The following GRHL3 variants were observed in gnomAD, a reference collection of about 807,000 sequenced individuals.
GRHL3 encodes grainyhead like transcription factor 3, also known as grainyhead-like protein 3 homolog.
GRHL3 carries 20 observed loss-of-function variants against 70.3 expected under a neutral mutation model. The observed-to-expected ratio is 0.28, with a 90% CI of 0.20 to 0.41. The LOEUF (loss-of-function observed/expected upper bound fraction) is 0.41, where lower values mean the gene tolerates loss of function less well. Ranked by LOEUF, GRHL3 falls within the 10% of genes least tolerant of loss-of-function variation. The probability of loss-of-function intolerance (pLI) is 1.00; values close to 1 mark genes in which losing one functional copy is unlikely to be tolerated. For missense variants in GRHL3, 637 were observed against 762.3 expected, an observed-to-expected ratio of 0.84 and a Z score of 1.94; for synonymous variants, 299 against 299.9, an observed-to-expected ratio of 1.00 and a Z score of 0.03.
intron 11 of GRHL3, among the ~76,000 whole-genome samples, chr1:24,343,450 T>A (rs1177337204): frequency 6.6e-6 from 1 of 152,032 alleles, no homozygotes; most frequent in Admixed American, 6.5e-5. Flanking sequence ...CCTGGATCTG[T>A]GGGGTAGAAA....
rs577632075 is a variant in GRHL3 at position 24,319,597 on chromosome 1, C to T, written c.17+29C>T. The T allele has an allele frequency of 5.3e-5, 86 of 1,613,714 alleles. No homozygotes were observed. In the South Asian group the frequency reaches 9.2e-4, roughly 17 times the overall value. ...AGTAAACATCGGTGGATACCTGCCG[C>T]TCTCAGAGCGTGGAGGCTGGATGGG... On this transcript the variant is annotated intron_variant, in intron 1 of 15. Coordinates refer to ENST00000361548, the MANE Select transcript of GRHL3 (RefSeq NM_198173.3).
chr1:24,341,148 C>T (rs1640020345), intron 8 of GRHL3, among the ~76,000 whole-genome samples: 1 of 152,168 alleles, frequency 6.6e-6, no homozygotes. Context: ...TCCCATGGAG[C>T]CCCAGAGGAG....
chr1:24,344,759 G>A, intron 11 of GRHL3, 138 bp from the exon 12 acceptor site: 1 of 899,960 alleles, frequency 1.1e-6, no homozygotes. Context: ...TGTCTGAGCA[G>A]AATGGGCTAG....
rs151096181 is a variant in GRHL3, at chr1:24,337,739, C to A, written c.790C>A (p.Arg264=). 2.5e-6 allele frequency: 4 copies of A among 1,614,106 alleles called. No homozygotes were observed. Among genetic ancestry groups the A allele is most frequent in the African/African-American group, 1.3e-5 (1 of 74,934 alleles). ...AGGCCAGTTCTACCCCGTCACCCTGCGGACCCCAGCAGGTGGCAAAGGCCT... is the reference window on the plus strand; with the variant it reads ...AGGCCAGTTCTACCCCGTCACCCTGAGGACCCCAGCAGGTGGCAAAGGCCT... ...NKGQFYPVTL[R]TPAGGKGLAL... is the part of the protein sequence containing the mutation. The change falls in exon 6 of 16, where the codon CGG becomes AGG. Residue 264 remains arginine (R), a synonymous_variant. Transcript: ENST00000361548.
At position 24,337,669 on chromosome 1, in the gene GRHL3, C is replaced by A; in HGVS notation, c.720C>A (p.Ala240=). ...DFEYTLGSPK[A]IHIKSGESPM... is the part of the protein sequence containing the mutation. ...AATACACCCTGGGCTCCCCCAAAGC[C>A]ATCCACATCAAGTCAGGCGAGTCAC... The change falls in exon 6 of 16, where the codon GCC becomes GCA. Residue 240 remains alanine, a synonymous_variant. Coordinates refer to ENST00000361548, the MANE Select transcript of GRHL3 (RefSeq NM_198173.3). 1 of 1,614,214 alleles carries A rather than the reference C, an allele frequency of 6.2e-7. No homozygotes were observed. Among genetic ancestry groups the A allele is most frequent in the Non-Finnish European group, 8.5e-7 (1 of 1,180,038 alleles).
Position 24,336,520 on chromosome 1 carries a change from C to T in GRHL3, c.305C>T (p.Pro102Leu). Residue 102 changes from proline (P) to leucine (L), a missense_variant, in exon 4 of 16, where the codon CCC becomes CTC. By Grantham distance (98) the Pro-to-Leu change is moderately conservative. Transcript: ENST00000361548. ...ATGGAATATGAGACGGACCTCACTC[C>T]CCTTGAAAGCCCCACACACCTCATG... is the stretch of plus-strand genomic sequence containing the variant. ...HGMEYETDLT[P>L]LESPTHLMKF... 1 of 1,604,796 alleles carries T rather than the reference C, an allele frequency of 6.2e-7. No homozygotes were observed.
intron 15 of GRHL3, 144 bp from the exon 16 acceptor site, chr1:24,354,230 G>A (rs1640627188): frequency 3.4e-6 from 2 of 592,270 alleles, no homozygotes; most frequent in Non-Finnish European, 3.1e-6. Context: ...TGGGGTTGTT[G>A]TGAGGATCAG....
chr1:24,361,045 T>C, intron 15 of GRHL3: 1 of 1,601,148 alleles, frequency 6.2e-7, no homozygotes, highest in South Asian at 1.1e-5. Flanking sequence ...GTTTTTCCTT[T>C]GGGAAAGATA....
rs562305508 is a variant in GRHL3 at position 24,342,340 on chromosome 1, C to G, written c.1206+67C>G. ...TAGAAGGGCCAAACCCTGACCCGTG[C>G]GTCCTCCTAGCTTCTCTGGGTTGTC... On this transcript the variant is annotated intron_variant, in intron 9 of 15. Coordinates refer to ENST00000361548, the MANE Select transcript of GRHL3 (RefSeq NM_198173.3). This position sits in a 1 kb window ranked among gnomAD's most constrained non-coding sequence, Gnocchi z 4.8. 1.6e-5 allele frequency: 22 copies of G among 1,363,736 alleles called. No homozygotes were observed. The highest frequency in any genetic ancestry group is 1.8e-5 in the Non-Finnish European group (18 of 991,170). The allele number at this position is 1,363,736 out of a possible 1,614,324, so 84.5% of individuals were successfully genotyped here. A position where few individuals can be genotyped will look rare whatever the true frequency, so the allele number is the denominator to read the frequency against.
chr1:24,357,560 AC>A (rs1640805332), downstream of GRHL3: 1 of 155,116 alleles, frequency 6.4e-6, no homozygotes, highest in African/African-American at 2.4e-5. Context: ...AAGGCTGAGA[AC>A]CACTTCTCTG....
intron 1 of GRHL3, among the ~76,000 whole-genome samples, chr1:24,327,730 G>A (rs192701967): frequency 2.0e-5 from 3 of 152,214 alleles, no homozygotes; most frequent in African/African-American, 7.2e-5. Flanking sequence ...CTTTCTTCTG[G>A]CCCTATCACC....
intron 1 of GRHL3, among the ~76,000 whole-genome samples, chr1:24,326,163 C>A (rs1227602013): frequency 6.6e-6 from 1 of 152,208 alleles, no homozygotes; most frequent in Admixed American, 6.5e-5. Flanking sequence ...TGGATTTCCT[C>A]CTTAGTGGGC....
intron 1 of GRHL3, among the ~76,000 whole-genome samples, chr1:24,324,889 T>C (rs778469031): frequency 1.1e-4 from 17 of 152,090 alleles, no homozygotes; most frequent in Non-Finnish European, 7.4e-5. Context: ...CATTTCCCCA[T>C]TGAGGCCCCC....
At chr1:24,353,449 T>C (rs560839620) in intron 15 of GRHL3, among the ~76,000 whole-genome samples, 1 of 143,396 alleles carries the variant, frequency 7.0e-6, no homozygotes, top group Admixed American at 7.3e-5. Flanking sequence ...GACGAGTAGA[T>C]GCCAGGTAGG....
chr1:24,342,390 TTCTCCTCCTTCCCC>T lies in GRHL3; in HGVS notation c.1206+127_1206+140del. On this transcript the variant is annotated intron_variant, in intron 9 of 15. Transcript: ENST00000361548. The surrounding 1 kb of genome is among the most constrained non-coding windows in gnomAD (Gnocchi z 4.8). ...CTGTCTCTCTCTGTTTTTCTATCCC[TTCTCCTCCTTCCCC>T]TCTCCTCCTCCACCCCCACTCCTCC... is the stretch of plus-strand genomic sequence containing the variant. 2.4e-6 allele frequency: 2 copies of T among 833,748 alleles called. No individual in the cohort carries two copies. Among genetic ancestry groups the T allele is most frequent in the Non-Finnish European group, 3.8e-6 (2 of 531,156 alleles). 51.6% of individuals were successfully genotyped at this position (833,748 alleles called of 1,614,324 possible). A position where few individuals can be genotyped will look rare whatever the true frequency, so the allele number is the denominator to read the frequency against.
chr1:24,323,201 T>C, intron 1 of GRHL3: 1 of 839,442 alleles, frequency 1.2e-6, no homozygotes, highest in Middle Eastern at 2.3e-4. Context: ...AGGGAGTCAT[T>C]ATTTTGAAAG....
chr1:24,335,014 AACAC>A (rs35646472), intron 3 of GRHL3, among the ~76,000 whole-genome samples: 19,053 of 136,786 alleles, frequency 0.14, 1,319 homozygotes, highest in Middle Eastern at 0.17. Flanking sequence ...TCAGCTTGAA[AACAC>A]ACACACACAC....
At position 24,361,499 on chromosome 1, in the gene GRHL3, C is replaced by T. The variant is rs146978944; in HGVS notation, c.1695-2686C>T. Among the ~76,000 whole-genome samples the T allele has an allele frequency of 5.4e-3, 828 of 152,240 alleles. 4 individuals are homozygous for T. The highest frequency in any genetic ancestry group is 9.4e-3 in the Non-Finnish European group (642 of 68,016). Reference sequence around the variant, plus strand: ...AGGCCTTAGTGACCCACTTGTGATGCCTGCCATGGTCAGGGAAGAGAAAGA... The same window carrying T: ...AGGCCTTAGTGACCCACTTGTGATGTCTGCCATGGTCAGGGAAGAGAAAGA... On this transcript the variant is annotated intron_variant, in intron 15 of 15. Transcript: ENST00000350501.
At chr1:24,358,093 GGAGT>G (rs1640840257), downstream of GRHL3, 1 of 402,650 alleles carries the variant, frequency 2.5e-6, no homozygotes, top group South Asian at 1.8e-5. Context: ...GAGAAAGGCA[GGAGT>G]GAGGGAATGA....
Sources: allele counts gnomAD v4.1 joint callset (sites outside exome capture counted in the v4.1 genomes callset), GRCh38; gene constraint gnomAD v4.1.1; non-coding constraint Gnocchi (gnomAD v3.1); transcripts MANE v1.5; gene names NCBI Gene and HGNC (gene_info 2026-07-23, HGNC 2026-07-21).